IQCH: variants seen among roughly 807,000 people sequenced by gnomAD.
IQCH encodes the protein IQ motif containing H.
A neutral mutation model predicts 117.0 loss-of-function variants in IQCH; 98 were observed. The observed-to-expected ratio is 0.84, with a 90% CI of 0.71 to 0.99. The LOEUF (loss-of-function observed/expected upper bound fraction) is 0.99. IQCH is among the 50% of genes least tolerant of loss of function. The pLI, the probability that IQCH is intolerant of heterozygous loss-of-function variation, is 0.00. For missense variants in IQCH, 1,102 were observed against 1,243.8 expected (o/e 0.89, Z 1.72); for synonymous variants, 412 against 448.2 (o/e 0.92, Z 1.02).
chr15:67,442,611 G>A (rs2082298931), intron 16 of IQCH, among the ~76,000 whole-genome samples: 1 of 152,036 alleles, frequency 6.6e-6, no homozygotes, highest in African/African-American at 2.4e-5. Flanking sequence ...CACTATGGAA[G>A]ACAGTGTGGA....
chr15:67,452,978 T>A (rs1328018991), intron 16 of IQCH, among the ~76,000 whole-genome samples: 1 of 152,230 alleles, frequency 6.6e-6, no homozygotes, highest in Non-Finnish European at 1.5e-5. Context: ...ATTCATTTCA[T>A]CTTCTATCAC....
intron 16 of IQCH, among the ~76,000 whole-genome samples, chr15:67,421,867 G>C (rs974674741): frequency 6.6e-6 from 1 of 152,192 alleles, no homozygotes; most frequent in Admixed American, 6.5e-5. Context: ...GGGAGGCCGA[G>C]GTGGGCAGAT....
intron 4 of IQCH, among the ~76,000 whole-genome samples, chr15:67,279,892 T>C (rs928178620): frequency 7.2e-5 from 11 of 152,018 alleles, no homozygotes; most frequent in South Asian, 6.2e-4. Context: ...ACTCGCCTGG[T>C]ACTGGTGGTG....
At position 67,400,133 on chromosome 15, in the gene IQCH, A is replaced by G; in HGVS notation, c.1925A>G (p.Gln642Arg). The G allele has an allele frequency of 6.2e-7, 1 of 1,613,800 alleles. No homozygotes were observed. Among genetic ancestry groups the G allele is most frequent in the Non-Finnish European group, 8.5e-7 (1 of 1,179,824 alleles). ...TCACAGATGATAGAGCAGCTGAGTC[A>G]GCTGATAACTGATCACCTGCAAATA... is the stretch of plus-strand genomic sequence containing the variant. ...SQQQMIEQLS[Q>R]LITDHLQIQR... The change falls in exon 14 of 21, where the codon CAG becomes CGG. Residue 642 changes from glutamine (Q) to arginine (R), a missense_variant. Physicochemically the swap from Gln to Arg is conservative, Grantham distance 43 (BLOSUM62 1). Around this residue, in one of 2 missense-constraint regions of IQCH, gnomAD observed 650 missense variants for 794.3 expected, o/e 0.82. Coordinates refer to ENST00000335894, the MANE Select transcript of IQCH (RefSeq NM_001031715.3).
chr15:67,299,394 C>G (rs1256014955), intron 4 of IQCH, among the ~76,000 whole-genome samples: 1 of 151,752 alleles, frequency 6.6e-6, no homozygotes, highest in Non-Finnish European at 1.5e-5. Context: ...CTCTGTTATA[C>G]TCAACAATAA....
At chr15:67,409,391 T>C (rs1468436174) in intron 14 of IQCH, among the ~76,000 whole-genome samples, 1 of 152,108 alleles carries the variant, frequency 6.6e-6, no homozygotes, top group African/African-American at 2.4e-5. Context: ...TACAGCAATT[T>C]AAGTGCTGGA....
rs964126040 is a variant in IQCH, at chr15:67,427,165, C to G, written c.2505+5588C>G. On this transcript the variant is annotated intron_variant, in intron 16 of 20. Transcript: ENST00000335894. The surrounding 1 kb of genome is among the most constrained non-coding windows in gnomAD (Gnocchi z 4.7). Reference sequence around the variant, plus strand: ...ACAATGAGAAACTTGAGTCTTTATCCCTCAATATAGTTACTTCTTTGCTTA... The same window carrying G: ...ACAATGAGAAACTTGAGTCTTTATCGCTCAATATAGTTACTTCTTTGCTTA... Among the ~76,000 whole-genome samples the G allele has an allele frequency of 2.6e-5, 4 of 152,010 alleles. No individual in the cohort carries two copies. The highest frequency in any genetic ancestry group is 9.7e-5 in the African/African-American group (4 of 41,402).
chr15:67,455,866 C>G (rs1388323698), intron 16 of IQCH, among the ~76,000 whole-genome samples: 1 of 152,158 alleles, frequency 6.6e-6, no homozygotes, highest in African/African-American at 2.4e-5. Context: ...GGCGCATATA[C>G]AATTACTAGT....
At chr15:67,332,308 G>A (rs1237786565) in intron 4 of IQCH, among the ~76,000 whole-genome samples, 1 of 152,068 alleles carries the variant, frequency 6.6e-6, no homozygotes, top group African/African-American at 2.4e-5. Context: ...TGAGAAGAAA[G>A]TAAATCACCA....
At position 67,447,370 on chromosome 15, in the gene IQCH, G is replaced by A. The variant is rs1438530523; in HGVS notation, c.2506-17757G>A. On this transcript the variant is annotated intron_variant, in intron 16 of 20. Coordinates refer to ENST00000335894, the MANE Select transcript of IQCH (RefSeq NM_001031715.3). This position sits in a 1 kb window ranked among gnomAD's most constrained non-coding sequence, Gnocchi z 5.3. ...AAAAGGATGTCCTATTAGCCTGACA[G>A]GGTGCTGAATCTTTCCTACAAACAC... Among the ~76,000 whole-genome samples, 1 of 152,182 alleles carries A rather than the reference G, an allele frequency of 6.6e-6. No homozygotes were observed. Among genetic ancestry groups the A allele is most frequent in the Non-Finnish European group, 1.5e-5 (1 of 68,042 alleles).
At chr15:67,363,027 G>C (rs182034837) in intron 8 of IQCH, among the ~76,000 whole-genome samples, 1 of 152,272 alleles carries the variant, frequency 6.6e-6, no homozygotes, top group East Asian at 1.9e-4. Context: ...CAGTTCTTAA[G>C]AGAATCAGAG....
chr15:67,419,720 A>C (rs779495549), intron 15 of IQCH, among the ~76,000 whole-genome samples: 3 of 152,112 alleles, frequency 2.0e-5, no homozygotes, highest in Non-Finnish European at 4.4e-5. Context: ...CGCCCAGCTA[A>C]TTTATTGTTT....
At chr15:67,442,376 C>T (rs1373362446) in intron 16 of IQCH, among the ~76,000 whole-genome samples, 1 of 151,752 alleles carries the variant, frequency 6.6e-6, no homozygotes, top group Non-Finnish European at 1.5e-5. Flanking sequence ...CGCCATTGCA[C>T]TCCAGCGTGG....
At chr15:67,310,676 T>G (rs8038166) in intron 4 of IQCH, among the ~76,000 whole-genome samples, 3 of 151,808 alleles carry the variant, frequency 2.0e-5, no homozygotes, top group Admixed American at 1.3e-4. Flanking sequence ...TTTCACTGCT[T>G]GATTTAAGTT....
chr15:67,341,719 TATTA>T lies in IQCH; in HGVS notation c.509-2338_509-2335del, dbSNP rs549558679. On this transcript the variant is annotated intron_variant, in intron 5 of 20. Transcript: ENST00000335894. ...ACACATGTCAAAGATTTTATTAGCTTATTAATTAAGTGAGGGAGCTAGTAAGATG... is the reference window on the plus strand; with the variant it reads ...ACACATGTCAAAGATTTTATTAGCTTATTAAGTGAGGGAGCTAGTAAGATG... Among the ~76,000 whole-genome samples the T allele has an allele frequency of 7.7e-4, 117 of 152,284 alleles. No homozygotes were observed. The Middle Eastern group carries it at 0.014, about 18-fold the overall frequency.
intron 10 of IQCH, among the ~76,000 whole-genome samples, chr15:67,380,043 G>A (rs1970872560): frequency 1.3e-5 from 2 of 152,024 alleles, no homozygotes; most frequent in Admixed American, 1.3e-4. Flanking sequence ...GTAGAGATGG[G>A]GTTTCTCCAT....
chr15:67,343,950 C>A (rs1596223735), intron 5 of IQCH, 113 bp from the exon 6 acceptor site: 1 of 839,404 alleles, frequency 1.2e-6, no homozygotes, highest in Non-Finnish European at 1.9e-6. Context: ...ACTAGATGTA[C>A]CCTCACAAAT....
intron 3 of IQCH, among the ~76,000 whole-genome samples, chr15:67,267,990 T>G (rs915926234): frequency 3.3e-5 from 5 of 152,226 alleles, no homozygotes; most frequent in Admixed American, 3.3e-4. Context: ...AAATGTTTAC[T>G]CTTTCCCTTT....
At chr15:67,441,122 C>CAAAAAAAAAAAAAAAAAAAAAA (rs200254535) in intron 16 of IQCH, among the ~76,000 whole-genome samples, 1 of 53,974 alleles carries the variant, frequency 1.9e-5, no homozygotes. Context: ...GCAATAGCTG[C>CAAAAAAAAAAAAAAAAAAAAAA]AAAAAAAAAA....
Sources: gnomAD v4.1 joint callset for allele counts (sites outside exome capture counted in the v4.1 genomes callset) on GRCh38, gnomAD v4.1.1 for gene constraint, gnomAD v4.1.1 regional missense constraint, Gnocchi (gnomAD v3.1) non-coding constraint, MANE v1.5 for transcripts, NCBI Gene and HGNC (gene_info 2026-07-23, HGNC 2026-07-21) for gene names.